The following NTM variants were observed in gnomAD, a reference collection of about 807,000 sequenced individuals.
The protein encoded by NTM is IgLON family member 2.
NTM carries 13 observed loss-of-function variants against 42.1 expected under a neutral mutation model. The observed-to-expected ratio is 0.31, with a 90% CI of 0.20 to 0.49. NTM has a LOEUF of 0.49. NTM is among the 20% of genes least tolerant of loss of function. NTM has a pLI of 0.99. For missense variants in NTM, 373 were observed against 452.8 expected (o/e 0.82, Z 1.60); for synonymous variants, 187 against 179.2 (o/e 1.04, Z -0.35).
At chr11:131,836,773 T>C (rs1380867160) in intron 1 of NTM, among the ~76,000 whole-genome samples, 2 of 152,222 alleles carry the variant, frequency 1.3e-5, no homozygotes, top group Non-Finnish European at 2.9e-5. Flanking sequence ...GAACTGATTT[T>C]ACAGAAAAAA....
At chr11:131,787,460 G>GCCT (rs893344072) in intron 1 of NTM, among the ~76,000 whole-genome samples, 11 of 150,946 alleles carry the variant, frequency 7.3e-5, no homozygotes, top group African/African-American at 2.4e-4. Context: ...GCTCTCTGCA[G>GCCT]CCTCCTCCTC....
intron 1 of NTM, among the ~76,000 whole-genome samples, chr11:131,705,865 T>C (rs1422331797): frequency 6.6e-6 from 1 of 151,884 alleles, no homozygotes; most frequent in Non-Finnish European, 1.5e-5. Context: ...AGAAAGTAAT[T>C]AAAGCATACT....
rs115251109 is a variant in NTM, at chr11:131,829,978, T to C, written c.83-81586T>C. 2.3e-3 allele frequency among the ~76,000 whole-genome samples: 348 copies of C among 152,328 alleles called. 1 individual carries two copies. The highest frequency in any genetic ancestry group is 7.9e-3 in the African/African-American group (329 of 41,576). ...AATATGTCTCTTGGCCACTTGTATG[T>C]ATTCTTTTGAGAAGTGTGTGTTCAC... is the stretch of plus-strand genomic sequence containing the variant. On this transcript the variant is annotated intron_variant, in intron 1 of 8. Transcript: ENST00000683400.
chr11:132,264,483 T>C (rs2093056970), intron 4 of NTM, among the ~76,000 whole-genome samples: 1 of 152,224 alleles, frequency 6.6e-6, no homozygotes, highest in Non-Finnish European at 1.5e-5. Flanking sequence ...TATAGTATCA[T>C]TTGTCATACA....
chr11:131,842,651 A>G (rs1245700556), intron 1 of NTM, among the ~76,000 whole-genome samples: 1 of 152,206 alleles, frequency 6.6e-6, no homozygotes, highest in Non-Finnish European at 1.5e-5. Flanking sequence ...TTAATTGAGT[A>G]TATCAACCAC....
At chr11:131,661,336 G>A (rs2068038754) in intron 1 of NTM, 1 of 174,414 alleles carries the variant, frequency 5.7e-6, no homozygotes, top group East Asian at 1.4e-4. Context: ...AGAAGAAGTA[G>A]GGAAAAGTGT....
At chr11:132,092,848 C>G (rs979234802) in intron 2 of NTM, among the ~76,000 whole-genome samples, 1 of 152,186 alleles carries the variant, frequency 6.6e-6, no homozygotes, top group African/African-American at 2.4e-5. Context: ...TCCATTTTGA[C>G]TTCCCAAATC....
Position 132,146,624 on chromosome 11 carries a change from A to G in NTM, c.400+110A>G, listed in dbSNP as rs573309537. ...GAGATGAGTTATCCTTATTCTACGCATCTGGGGTCCAGGGCACATTTCTGG... is the reference window on the plus strand; with the variant it reads ...GAGATGAGTTATCCTTATTCTACGCGTCTGGGGTCCAGGGCACATTTCTGG... On this transcript the variant is annotated intron_variant, in intron 3 of 8. Coordinates refer to ENST00000683400, the MANE Select transcript of NTM (RefSeq NM_001352005.2). The surrounding 1 kb of genome is among the most constrained non-coding windows in gnomAD (Gnocchi z 4.5). 452 of 1,167,756 alleles carry G rather than the reference A, an allele frequency of 3.9e-4. No individual in the cohort carries two copies. The highest frequency in any genetic ancestry group is 2.3e-3 in the African/African-American group (148 of 64,894). 72.3% of individuals were successfully genotyped at this position (1,167,756 alleles called of 1,614,324 possible).
rs1952222469 is a variant in NTM at position 131,469,525 on chromosome 11, C to T, written c.82+98637C>T. On this transcript the variant is annotated intron_variant, in intron 1 of 8. Coordinates refer to ENST00000683400, the MANE Select transcript of NTM (RefSeq NM_001352005.2). ...TCACAGATAGACAGATAACTGACTG[C>T]AGATCAGGAGACCTGGAGGCCATCC... Among the ~76,000 whole-genome samples, 4 of 152,156 alleles carry T rather than the reference C, an allele frequency of 2.6e-5. No homozygotes were observed. The South Asian group carries it at 8.3e-4, about 31-fold the overall frequency.
chr11:132,149,092 A>G (rs548910179), intron 3 of NTM, among the ~76,000 whole-genome samples: 1 of 152,286 alleles, frequency 6.6e-6, no homozygotes, highest in East Asian at 1.9e-4. Context: ...ACTGAGTATT[A>G]TCGACACTTT....
At chr11:131,986,130 C>A (rs1483282564) in intron 2 of NTM, among the ~76,000 whole-genome samples, 6 of 152,154 alleles carry the variant, frequency 3.9e-5, no homozygotes, top group Admixed American at 3.9e-4. Flanking sequence ...TCTTAGGAAA[C>A]CTAGACTATC....
intron 2 of NTM, among the ~76,000 whole-genome samples, chr11:131,948,178 A>G (rs1384406387): frequency 1.3e-5 from 2 of 151,802 alleles, no homozygotes; most frequent in African/African-American, 4.8e-5. Context: ...TGGCTAACAC[A>G]GTGAAACCCC....
Position 131,821,747 on chromosome 11 carries a change from C to A in NTM, c.83-89817C>A, listed in dbSNP as rs1473031031. ...CTCTGGGGCTGGGGAGAACCATGCCCCCACTGACTCTCTTTGTTTGGATTC... is the reference window on the plus strand; with the variant it reads ...CTCTGGGGCTGGGGAGAACCATGCCACCACTGACTCTCTTTGTTTGGATTC... On this transcript the variant is annotated intron_variant, in intron 1 of 8. Transcript: ENST00000683400. 2.6e-5 allele frequency among the ~76,000 whole-genome samples: 4 copies of A among 152,226 alleles called. No individual in the cohort carries two copies. In the South Asian group the frequency reaches 6.2e-4, roughly 24 times the overall value.
At chr11:131,774,116 C>A in intron 1 of NTM, 1 of 985,234 alleles carries the variant, frequency 1.0e-6, no homozygotes, top group Non-Finnish European at 1.2e-6. Context: ...GCTTACAGTA[C>A]TTAATCATCA....
chr11:131,649,277 T>G (rs1336231021), intron 1 of NTM, among the ~76,000 whole-genome samples: 1 of 152,220 alleles, frequency 6.6e-6, no homozygotes, highest in Non-Finnish European at 1.5e-5. Context: ...ATCTAAAAGT[T>G]ATTGCTGTGA....
intron 1 of NTM, among the ~76,000 whole-genome samples, chr11:131,721,256 A>T (rs1017656287): frequency 1.3e-5 from 2 of 152,080 alleles, no homozygotes. Flanking sequence ...TTATGTTACA[A>T]TGCTACCCTT....
At chr11:131,784,001 G>A (rs942547816) in intron 1 of NTM, among the ~76,000 whole-genome samples, 3 of 151,984 alleles carry the variant, frequency 2.0e-5, no homozygotes, top group African/African-American at 2.4e-5. Flanking sequence ...TTCACCAAAG[G>A]CCAATGAGAA....
intron 3 of NTM, among the ~76,000 whole-genome samples, chr11:132,160,530 T>C (rs1443408030): frequency 3.9e-5 from 6 of 152,196 alleles, no homozygotes; most frequent in Non-Finnish European, 7.3e-5. Flanking sequence ...CATGAACATC[T>C]ACTATGAGCC....
At chr11:131,934,737 G>T (rs751657846) in intron 2 of NTM, among the ~76,000 whole-genome samples, 5 of 152,182 alleles carry the variant, frequency 3.3e-5, no homozygotes, top group South Asian at 2.1e-4. Flanking sequence ...GCCCAGCAAG[G>T]ATCTGAGAGC....
Sources: allele counts gnomAD v4.1 joint callset (sites outside exome capture counted in the v4.1 genomes callset), GRCh38; gene constraint gnomAD v4.1.1; non-coding constraint Gnocchi (gnomAD v3.1); transcripts MANE v1.5; gene names NCBI Gene and HGNC (gene_info 2026-07-23, HGNC 2026-07-21).